The following TNIK variants were observed in gnomAD, a reference collection of about 807,000 sequenced individuals.
TNIK encodes TRAF2 and NCK interacting kinase.
TNIK carries 49 observed loss-of-function variants against 191.3 expected under a neutral mutation model. That is an observed-to-expected ratio of 0.26 (90% CI 0.20 to 0.32). The LOEUF (loss-of-function observed/expected upper bound fraction) is 0.32. TNIK is among the 10% of genes least tolerant of loss of function. The pLI, the probability that TNIK is intolerant of heterozygous loss-of-function variation, is 1.00. For synonymous variants in TNIK, 594 were observed against 600.9 expected, an observed-to-expected ratio of 0.99 and a Z score of 0.17; for missense variants, 1,155 against 1,702.3, an observed-to-expected ratio of 0.68 and a Z score of 5.66.
chr3:171,311,017 C>T lies in TNIK; in HGVS notation c.123+58603G>A, dbSNP rs367581874. ...GCTCAAACACAAGTGGCCCCTGAAT[C>T]TCAATCTCCACTCACCGCTCCTACT... On this transcript the variant is annotated intron_variant, in intron 2 of 32. Coordinates refer to ENST00000436636, the MANE Select transcript of TNIK (RefSeq NM_015028.4). 7.2e-4 allele frequency among the ~76,000 whole-genome samples: 110 copies of T among 152,244 alleles called. 1 individual carries two copies. The South Asian group carries it at 0.021, about 29-fold the overall frequency.
intron 7 of TNIK, among the ~76,000 whole-genome samples, chr3:171,185,178 CGT>C (rs148499254): frequency 0.033 from 4,820 of 145,800 alleles, 108 homozygotes; most frequent in African/African-American, 0.066. Context: ...ATAGATTTCC[CGT>C]GTGTGTGTGT....
chr3:171,450,431 T>G (rs1257689316), intron 1 of TNIK, among the ~76,000 whole-genome samples: 2 of 152,182 alleles, frequency 1.3e-5, no homozygotes, highest in Admixed American at 6.5e-5. Flanking sequence ...CACTAAGATG[T>G]CCAGGATGTT....
intron 2 of TNIK, among the ~76,000 whole-genome samples, chr3:171,344,677 CCACT>C (rs1711872777): frequency 1.3e-5 from 2 of 152,096 alleles, no homozygotes; most frequent in African/African-American, 4.8e-5. Context: ...AGTGTTTAAC[CCACT>C]AAGTGTACTT....
chr3:171,174,780 C>CA (rs1481816463), intron 9 of TNIK, among the ~76,000 whole-genome samples: 1 of 152,044 alleles, frequency 6.6e-6, no homozygotes, highest in East Asian at 1.9e-4. Flanking sequence ...GTAGTAAAAA[C>CA]AAAAAAACTG....
chr3:171,138,141 T>C, intron 15 of TNIK, 50 bp downstream of exon 15: 1 of 1,483,514 alleles, frequency 6.7e-7, no homozygotes, highest in Non-Finnish European at 8.9e-7. Context: ...CACAAACTCA[T>C]TAGAGTCAAA....
At chr3:171,195,598 T>C (rs1355027513) in intron 4 of TNIK, among the ~76,000 whole-genome samples, 2 of 151,998 alleles carry the variant, frequency 1.3e-5, no homozygotes, top group Non-Finnish European at 1.5e-5. Flanking sequence ...AAAAGATACC[T>C]CATCAGGCTC....
At chr3:171,254,862 T>C (rs1746653613) in intron 2 of TNIK, among the ~76,000 whole-genome samples, 1 of 152,206 alleles carries the variant, frequency 6.6e-6, no homozygotes, top group Non-Finnish European at 1.5e-5. Flanking sequence ...TCAGAAAATA[T>C]GATCTGATTT....
intron 12 of TNIK, among the ~76,000 whole-genome samples, chr3:171,145,410 C>G (rs1731424837): frequency 1.3e-5 from 2 of 152,126 alleles, no homozygotes; most frequent in African/African-American, 4.8e-5. Flanking sequence ...AACACACAGA[C>G]TTCCCTTCCT....
In TNIK at chr3:171,203,684, C is replaced by A. The variant is rs1235377256; in HGVS notation, c.306+7432G>T. 7.9e-5 allele frequency among the ~76,000 whole-genome samples: 12 copies of A among 152,216 alleles called. 1 individual carries two copies. Among genetic ancestry groups the A allele is most frequent in the Admixed American group, 7.9e-4 (12 of 15,276 alleles). On this transcript the variant is annotated intron_variant, in intron 4 of 32. Coordinates refer to ENST00000436636, the MANE Select transcript of TNIK (RefSeq NM_015028.4). ...AGCCTCTAGGCTGCCAGTTTGCCAA[C>A]TAAGAACTAGTCTAATATTATCATT...
chr3:171,076,541 C>T (rs1719968443), intron 28 of TNIK, among the ~76,000 whole-genome samples: 1 of 152,174 alleles, frequency 6.6e-6, no homozygotes, highest in Non-Finnish European at 1.5e-5. Context: ...TAAAGTTCCT[C>T]CGCCGCTCCT....
intron 2 of TNIK, among the ~76,000 whole-genome samples, chr3:171,322,068 G>T (rs1047028941): frequency 1.3e-5 from 2 of 152,074 alleles, no homozygotes; most frequent in Admixed American, 1.3e-4. Context: ...TTGTACATTT[G>T]CATTATTTTA....
chr3:171,127,440 TA>T (rs540160648), intron 16 of TNIK, among the ~76,000 whole-genome samples: 6 of 151,078 alleles, frequency 4.0e-5, no homozygotes, highest in South Asian at 2.1e-4. Flanking sequence ...AATAAAAAAA[TA>T]AAAAAAACCA....
intron 18 of TNIK, among the ~76,000 whole-genome samples, chr3:171,111,925 A>C (rs1324318064): frequency 6.6e-6 from 1 of 152,218 alleles, no homozygotes; most frequent in Admixed American, 6.5e-5. Context: ...GGAAGGAGAG[A>C]GAATGGGAAG....
intron 18 of TNIK, among the ~76,000 whole-genome samples, chr3:171,111,197 G>A (rs1385067509): frequency 1.3e-5 from 2 of 152,138 alleles, no homozygotes; most frequent in East Asian, 3.9e-4. Flanking sequence ...TCAGGTGGGA[G>A]GATCACTTGA....
At chr3:171,152,069 C>A (rs1560186977) in intron 12 of TNIK, among the ~76,000 whole-genome samples, 1 of 151,970 alleles carries the variant, frequency 6.6e-6, no homozygotes, top group Non-Finnish European at 1.5e-5. Context: ...TCACTTGAGG[C>A]CAGGAGTTTG....
At chr3:171,075,042 C>T (rs141760124) in intron 28 of TNIK, among the ~76,000 whole-genome samples, 10 of 152,306 alleles carry the variant, frequency 6.6e-5, no homozygotes, top group African/African-American at 1.9e-4. Context: ...AGTAGATGTG[C>T]AGGTCAAATA....
intron 2 of TNIK, among the ~76,000 whole-genome samples, chr3:171,241,142 T>C (rs993903068): frequency 1.3e-5 from 2 of 152,036 alleles, no homozygotes; most frequent in South Asian, 4.1e-4. Context: ...GAGATTCTCC[T>C]GCCTCAGCCT....
At position 171,407,471 on chromosome 3, in the gene TNIK, T is replaced by C. The variant is rs185384738; in HGVS notation, c.58-37786A>G. On this transcript the variant is annotated intron_variant, in intron 1 of 32. Coordinates refer to ENST00000436636, the MANE Select transcript of TNIK (RefSeq NM_015028.4). ...GGGTTGGAGGACAGTTGGTTACCAC[T>C]ATTAAAATGATGTGTTTTCACTGGG... Among the ~76,000 whole-genome samples the C allele has an allele frequency of 2.5e-3, 380 of 152,338 alleles. 1 individual carries two copies. The highest frequency in any genetic ancestry group is 8.9e-3 in the African/African-American group (371 of 41,578).
At chr3:171,151,082 T>C (rs887095001) in intron 12 of TNIK, among the ~76,000 whole-genome samples, 1 of 152,264 alleles carries the variant, frequency 6.6e-6, no homozygotes, top group African/African-American at 2.4e-5. Flanking sequence ...TTTCATTTAC[T>C]TCTCAGCAAT....
Sources: allele counts gnomAD v4.1 joint callset (sites outside exome capture counted in the v4.1 genomes callset), GRCh38; gene constraint gnomAD v4.1.1; transcripts MANE v1.5; gene names NCBI Gene and HGNC (gene_info 2026-07-23, HGNC 2026-07-21).